Variants in PTPRT observed in about 807,000 individuals in gnomAD.
The protein encoded by PTPRT is protein tyrosine phosphatase receptor type T.
Under a neutral mutation model 176.8 loss-of-function variants are expected in PTPRT, and 56 were observed. The observed-to-expected ratio is 0.32, with a 90% confidence interval of 0.26 to 0.40. The LOEUF (loss-of-function observed/expected upper bound fraction) is 0.40. PTPRT is among the 10% of genes least tolerant of loss of function. PTPRT has a pLI of 1.00. For missense variants in PTPRT, 1,540 were observed against 1,908.2 expected, an observed-to-expected ratio of 0.81 and a Z score of 3.60; for synonymous variants, 783 against 739.0, an observed-to-expected ratio of 1.06 and a Z score of -0.96.
chr20:42,828,005 G>T (rs2078025055), intron 2 of PTPRT, among the ~76,000 whole-genome samples: 1 of 152,198 alleles, frequency 6.6e-6, no homozygotes, highest in Non-Finnish European at 1.5e-5. Context: ...CTGCTATAAG[G>T]ATGTCCAAAA....
At chr20:42,574,040 C>T (rs2073212409) in intron 7 of PTPRT, among the ~76,000 whole-genome samples, 1 of 152,154 alleles carries the variant, frequency 6.6e-6, no homozygotes, top group Non-Finnish European at 1.5e-5. Flanking sequence ...AGCCACCGCA[C>T]CCAGCAAGAT....
chr20:42,644,270 G>A (rs761438994), intron 7 of PTPRT, among the ~76,000 whole-genome samples: 12 of 151,948 alleles, frequency 7.9e-5, no homozygotes, highest in African/African-American at 1.7e-4. Context: ...TTTCTAATCC[G>A]CCTTACACTC....
At chr20:42,618,886 CTT>C (rs1157582397) in intron 7 of PTPRT, among the ~76,000 whole-genome samples, 4 of 147,880 alleles carry the variant, frequency 2.7e-5, no homozygotes, top group African/African-American at 1.0e-4. Flanking sequence ...GGTCTTGACT[CTT>C]TATCCAACTT....
chr20:43,063,073 T>C (rs768149924), intron 1 of PTPRT, among the ~76,000 whole-genome samples: 1 of 152,146 alleles, frequency 6.6e-6, no homozygotes, highest in Admixed American at 6.5e-5. Context: ...TTATAAATAA[T>C]TTATCCAAAG....
At chr20:42,102,081 C>T (rs1301646294) in intron 26 of PTPRT, 43 bp downstream of exon 26, 3 of 1,594,066 alleles carry the variant, frequency 1.9e-6, no homozygotes, top group Non-Finnish European at 2.6e-6. Context: ...GAATATTTGC[C>T]CTAGAATGCC....
At chr20:42,734,825 A>T (rs1484690569) in intron 6 of PTPRT, among the ~76,000 whole-genome samples, 1 of 152,154 alleles carries the variant, frequency 6.6e-6, no homozygotes, top group Non-Finnish European at 1.5e-5. Context: ...GCAGCAGGCA[A>T]CAGAGCAAGC....
At position 43,040,556 on chromosome 20, in the gene PTPRT, C is replaced by A. The variant is rs529662448; in HGVS notation, c.88+149090G>T. 2.0e-5 allele frequency among the ~76,000 whole-genome samples: 3 copies of A among 152,354 alleles called. No individual in the cohort carries two copies. In the East Asian group the frequency reaches 5.8e-4, roughly 29 times the overall value. On this transcript the variant is annotated intron_variant, in intron 1 of 30. Transcript: ENST00000373187. ...CTTTACCTGCACATACCCGCACCCC[C>A]TCACAACCCATTGTTCTACTTTCCC...
chr20:42,595,197 T>C (rs1305218184), intron 7 of PTPRT, among the ~76,000 whole-genome samples: 3 of 151,912 alleles, frequency 2.0e-5, no homozygotes, highest in Non-Finnish European at 2.9e-5. Flanking sequence ...GTGTAGTGCG[T>C]GGGAGATACT....
At chr20:42,265,358 T>C (rs917779736) in intron 13 of PTPRT, among the ~76,000 whole-genome samples, 3 of 152,218 alleles carry the variant, frequency 2.0e-5, no homozygotes, top group Admixed American at 1.3e-4. Flanking sequence ...TGACCCTCAG[T>C]TTCCTCATCT....
rs1376710119 is a variant in PTPRT at position 42,079,758 on chromosome 20, G to A, written c.*1121C>T. 18 of 229,300 alleles carry A rather than the reference G, an allele frequency of 7.8e-5. No individual in the cohort carries two copies. In the Middle Eastern group the frequency reaches 3.9e-3, roughly 50 times the overall value. 14.2% of individuals were successfully genotyped at this position (229,300 alleles called of 1,614,324 possible). A position where few individuals can be genotyped will look rare whatever the true frequency, so the allele number is the denominator to read the frequency against. ...TTTGGACATCCAAATTATGCACAAAGCTGGTGCTCTATTTGCCCCAGAAAC... is the reference window on the plus strand; with the variant it reads ...TTTGGACATCCAAATTATGCACAAAACTGGTGCTCTATTTGCCCCAGAAAC... On this transcript the variant is annotated 3_prime_UTR_variant, in exon 31 of 31. Transcript: ENST00000373187.
intron 7 of PTPRT, among the ~76,000 whole-genome samples, chr20:42,604,480 C>T (rs192459928): frequency 1.0e-3 from 154 of 152,250 alleles, no homozygotes; most frequent in Non-Finnish European, 1.8e-3. Flanking sequence ...TCCATAATAT[C>T]CCAGAACAAT....
At chr20:42,992,801 C>T (rs567646307) in intron 1 of PTPRT, among the ~76,000 whole-genome samples, 42 of 152,314 alleles carry the variant, frequency 2.8e-4, no homozygotes, top group African/African-American at 7.7e-4. Flanking sequence ...CACATAGAGA[C>T]TGATGCAGCT....
chr20:42,773,213 A>C (rs1028418329), intron 4 of PTPRT, among the ~76,000 whole-genome samples: 1 of 152,162 alleles, frequency 6.6e-6, no homozygotes, highest in Non-Finnish European at 1.5e-5. Flanking sequence ...CTTGATTTGA[A>C]CTATTTTGTC....
chr20:42,133,171 A>G (rs1568958783), intron 18 of PTPRT, among the ~76,000 whole-genome samples: 1 of 152,222 alleles, frequency 6.6e-6, no homozygotes, highest in East Asian at 1.9e-4. Flanking sequence ...CCAACTAATC[A>G]TCTAATATAA....
At chr20:42,589,442 A>AT (rs2073530386) in intron 7 of PTPRT, among the ~76,000 whole-genome samples, 1 of 152,184 alleles carries the variant, frequency 6.6e-6, no homozygotes, top group Non-Finnish European at 1.5e-5. Flanking sequence ...AGCAACTTCC[A>AT]TTTGAGCAGA....
rs1433923509 is a variant in PTPRT, at chr20:42,075,274, T to C, written c.*5605A>G. Reference sequence around the variant, plus strand: ...AGAAGGAGCTCAGACTGTTAAGTAATGGGGAAGCCAAGTCAGGGATTTGAG... The same window carrying C: ...AGAAGGAGCTCAGACTGTTAAGTAACGGGGAAGCCAAGTCAGGGATTTGAG... On this transcript the variant is annotated 3_prime_UTR_variant, in exon 31 of 31. Coordinates refer to ENST00000373187, the MANE Select transcript of PTPRT (RefSeq NM_007050.6). The C allele has an allele frequency of 1.3e-5, 3 of 235,114 alleles. No homozygotes were observed. Among genetic ancestry groups the C allele is most frequent in the African/African-American group, 2.2e-5 (1 of 45,426 alleles). 14.6% of individuals were successfully genotyped at this position (235,114 alleles called of 1,614,324 possible).
At chr20:42,215,760 G>C (rs2055754337) in intron 15 of PTPRT, among the ~76,000 whole-genome samples, 1 of 77,140 alleles carries the variant, frequency 1.3e-5, no homozygotes, top group Admixed American at 1.3e-4. Context: ...TCCCACCCTA[G>C]CTAGGAGACT....
At chr20:42,489,484 G>A (rs1024487482) in intron 7 of PTPRT, among the ~76,000 whole-genome samples, 5 of 150,998 alleles carry the variant, frequency 3.3e-5, no homozygotes, top group Admixed American at 2.0e-4. Flanking sequence ...TTTGTTCCTC[G>A]AGCATACCTA....
intron 7 of PTPRT, among the ~76,000 whole-genome samples, chr20:42,578,453 G>A (rs565708836): frequency 6.6e-6 from 1 of 152,230 alleles, no homozygotes; most frequent in South Asian, 2.1e-4. Context: ...ACTGTCTCAT[G>A]TTGTCTAATA....
Sources: allele counts gnomAD v4.1 joint callset (sites outside exome capture counted in the v4.1 genomes callset), GRCh38; gene constraint gnomAD v4.1.1; transcripts MANE v1.5; gene names NCBI Gene and HGNC (gene_info 2026-07-23, HGNC 2026-07-21).